The following IKZF2 variants were observed in gnomAD, a reference collection of about 807,000 sequenced individuals.
The protein encoded by IKZF2 is zinc finger protein Helios.
Under a neutral mutation model 49.2 loss-of-function variants are expected in IKZF2, and 15 were observed. The observed-to-expected ratio is 0.30, with a 90% CI of 0.20 to 0.47. IKZF2 has a LOEUF of 0.47. Among genes scored for constraint, IKZF2 ranks in the 20% least tolerant of loss-of-function variants. IKZF2 has a pLI of 1.00. For missense variants in IKZF2, 567 were observed against 664.6 expected, an observed-to-expected ratio of 0.85 and a Z score of 1.61; for synonymous variants, 227 against 221.4, an observed-to-expected ratio of 1.03 and a Z score of -0.23.
chr2:213,066,831 T>C (rs1187638090), intron 4 of IKZF2, among the ~76,000 whole-genome samples: 1 of 152,120 alleles, frequency 6.6e-6, no homozygotes, highest in Non-Finnish European at 1.5e-5. Flanking sequence ...CAAAGCATCC[T>C]ATGAAGTATT....
rs111454500 is a variant in IKZF2 at position 213,013,578 on chromosome 2, C to T, written c.856+213G>A. Among the ~76,000 whole-genome samples the T allele has an allele frequency of 2.4e-4, 36 of 151,920 alleles. 1 individual carries two copies. The highest frequency in any genetic ancestry group is 8.7e-4 in the African/African-American group (36 of 41,492). ...TATCATCATATTTTGAGATGGTGAC[C>T]ACTATCAGTCTTTATCTCTCATATG... On this transcript the variant is annotated intron_variant, in intron 8 of 8. Transcript: ENST00000434687.
intron 4 of IKZF2, among the ~76,000 whole-genome samples, chr2:213,140,084 G>C (rs541264748): frequency 5.5e-4 from 83 of 151,832 alleles, no homozygotes; most frequent in Non-Finnish European, 9.9e-4. Flanking sequence ...ATGTTTGCTG[G>C]ATCAATGATC....
chr2:213,079,181 C>T lies in IKZF2; in HGVS notation c.140-22082G>A, dbSNP rs139184454. ...ATCACTTGAGCCCACTGGTTCAAGA[C>T]GAGCCTGGGCAACATAGTGGGATCC... On this transcript the variant is annotated intron_variant, in intron 4 of 8. Transcript: ENST00000434687. Among the ~76,000 whole-genome samples, 390 of 151,942 alleles carry T rather than the reference C, an allele frequency of 2.6e-3. 1 individual carries two copies. Among genetic ancestry groups the T allele is most frequent in the African/African-American group, 9.1e-3 (376 of 41,440 alleles).
chr2:213,125,605 T>C (rs979958311), intron 4 of IKZF2, among the ~76,000 whole-genome samples: 2 of 152,204 alleles, frequency 1.3e-5, no homozygotes, highest in Admixed American at 6.5e-5. Context: ...AAATATTCAT[T>C]GCACAGACTT....
chr2:213,135,555 G>T (rs1333777790), intron 4 of IKZF2, among the ~76,000 whole-genome samples: 1 of 151,864 alleles, frequency 6.6e-6, no homozygotes, highest in Non-Finnish European at 1.5e-5. Flanking sequence ...AAAATTAGCT[G>T]GGCATGGTGG....
rs1290726383 is a variant in IKZF2, at chr2:213,004,476, T to C, written c.*2884A>G. ...AGCAATGTGATGAAATTCTGAACTTTTGCCAAACTGGAAAATACAGAAGAT... is the reference window on the plus strand; with the variant it reads ...AGCAATGTGATGAAATTCTGAACTTCTGCCAAACTGGAAAATACAGAAGAT... On this transcript the variant is annotated 3_prime_UTR_variant, in exon 9 of 9. Transcript: ENST00000434687. 2 of 152,050 alleles carry C rather than the reference T, an allele frequency of 1.3e-5. No homozygotes were observed. The highest frequency in any genetic ancestry group is 1.9e-4 in the East Asian group (1 of 5,158). The allele number at this position is 152,050 out of a possible 1,614,324, so 9.4% of individuals were successfully genotyped here.
intron 4 of IKZF2, among the ~76,000 whole-genome samples, chr2:213,080,099 TAA>T (rs1404249132): frequency 5.3e-5 from 8 of 151,790 alleles, no homozygotes. Flanking sequence ...ACAAAAGAAA[TAA>T]AAACACTCTC....
At chr2:213,079,500 AG>A (rs1197747487) in intron 4 of IKZF2, among the ~76,000 whole-genome samples, 1 of 149,956 alleles carries the variant, frequency 6.7e-6, no homozygotes, top group African/African-American at 2.5e-5. Flanking sequence ...AAAGAAAGAG[AG>A]AGAGAGAAGA....
At chr2:213,132,623 T>C (rs1033743290) in intron 4 of IKZF2, among the ~76,000 whole-genome samples, 1 of 152,168 alleles carries the variant, frequency 6.6e-6, no homozygotes, top group Non-Finnish European at 1.5e-5. Context: ...TTCAGAGCTA[T>C]ACTAGGAATT....
Position 213,141,625 on chromosome 2 carries a change from GTCTCGGCTCA to G in IKZF2, c.139+6073_139+6082del, listed in dbSNP as rs561633024. 4.0e-5 allele frequency among the ~76,000 whole-genome samples: 6 copies of G among 151,870 alleles called. No individual in the cohort carries two copies. In the East Asian group the frequency reaches 1.2e-3, roughly 29 times the overall value. ...CTCCTAAATCCTATTCATTTAATAA[GTCTCGGCTCA>G]AGCAGTCTCCCCCTCTAAAAAATAT... On this transcript the variant is annotated intron_variant, in intron 4 of 8. Transcript: ENST00000434687.
At position 213,007,794 on chromosome 2, in the gene IKZF2, G is replaced by A. The variant is rs1348486530; in HGVS notation, c.1147C>T (p.Pro383Ser). The A allele has an allele frequency of 6.2e-7, 1 of 1,613,524 alleles. No individual in the cohort carries two copies. Among genetic ancestry groups the A allele is most frequent in the African/African-American group, 1.3e-5 (1 of 74,932 alleles). Reference sequence around the variant, plus strand: ...CTCTTTGGTCTGATGAGAGAGATGGGGCCATCCATGTTGTTTTCATGACTA... The same window carrying A: ...CTCTTTGGTCTGATGAGAGAGATGGAGCCATCCATGTTGTTTTCATGACTA... Reference protein sequence around the residue: ...ADSHENNMDGPISLIRPKSRP... With the variant: ...ADSHENNMDGSISLIRPKSRP... Residue 383 changes from proline to serine, a missense_variant, in exon 9 of 9, where the codon CCC (proline) becomes TCC (serine). Transcript: ENST00000434687.
intron 4 of IKZF2, among the ~76,000 whole-genome samples, chr2:213,079,390 A>C (rs1170501843): frequency 1.3e-5 from 2 of 148,856 alleles, no homozygotes; most frequent in African/African-American, 5.0e-5. Context: ...AAGGAAAGGA[A>C]AGGAAGAAAG....
At chr2:213,139,899 CAGTT>C (rs1234793039) in intron 4 of IKZF2, among the ~76,000 whole-genome samples, 4 of 151,940 alleles carry the variant, frequency 2.6e-5, no homozygotes, top group South Asian at 2.1e-4. Context: ...ATGTAAGTCA[CAGTT>C]AGCACATCAC....
intron 4 of IKZF2, among the ~76,000 whole-genome samples, chr2:213,113,251 A>G (rs1434605102): frequency 1.3e-5 from 2 of 152,194 alleles, no homozygotes; most frequent in East Asian, 3.9e-4. Flanking sequence ...AAAGAAGTTG[A>G]TAACACTAAG....
chr2:213,044,416 T>C (rs577468440), intron 6 of IKZF2, among the ~76,000 whole-genome samples: 1 of 152,154 alleles, frequency 6.6e-6, no homozygotes, highest in Non-Finnish European at 1.5e-5. Flanking sequence ...GTTACTGATA[T>C]CAGAAATGGC....
At chr2:213,021,244 A>T (rs1697175255) in intron 7 of IKZF2, among the ~76,000 whole-genome samples, 1 of 151,962 alleles carries the variant, frequency 6.6e-6, no homozygotes, top group Admixed American at 6.6e-5. Flanking sequence ...AAAATAATTT[A>T]AAAAAATAAA....
chr2:213,038,834 GATA>G (rs1367088074), intron 6 of IKZF2, among the ~76,000 whole-genome samples: 1 of 152,144 alleles, frequency 6.6e-6, no homozygotes, highest in Non-Finnish European at 1.5e-5. Flanking sequence ...ATGTGATTGT[GATA>G]ATAAATTCCT....
intron 5 of IKZF2, among the ~76,000 whole-genome samples, chr2:213,053,042 G>C (rs1209419121): frequency 1.3e-5 from 2 of 151,910 alleles, no homozygotes; most frequent in Non-Finnish European, 2.9e-5. Context: ...TTTAGACTTT[G>C]TCTGAAAAAA....
intron 4 of IKZF2, among the ~76,000 whole-genome samples, chr2:213,060,319 CTT>C (rs1491436939): frequency 8.3e-4 from 125 of 151,328 alleles, no homozygotes; most frequent in South Asian, 2.3e-3. Flanking sequence ...TAAATTATAA[CTT>C]ATATATATAT....
Sources: allele counts gnomAD v4.1 joint callset (sites outside exome capture counted in the v4.1 genomes callset), GRCh38; gene constraint gnomAD v4.1.1; transcripts MANE v1.5; gene names NCBI Gene and HGNC (gene_info 2026-07-23, HGNC 2026-07-21).